The following BTBD9 variants were observed in gnomAD, a reference collection of about 807,000 sequenced individuals.
BTBD9 encodes BTB domain containing 9, also known as BTB/POZ domain-containing protein 9.
Under a neutral mutation model 64.3 loss-of-function variants are expected in BTBD9, and 49 were observed. The ratio of observed to expected loss-of-function variants is 0.76; its 90% CI spans 0.61 to 0.97. The LOEUF (loss-of-function observed/expected upper bound fraction) is 0.97, where lower values mean the gene tolerates loss of function less well. Ranked by LOEUF, BTBD9 falls within the 50% of genes least tolerant of loss-of-function variation. The probability of loss-of-function intolerance (pLI) is 0.00; values close to 1 mark genes in which losing one functional copy is unlikely to be tolerated. For synonymous variants in BTBD9, 260 were observed against 274.7 expected (o/e 0.95, Z 0.53); for missense variants, 598 against 762.1 (o/e 0.78, Z 2.53).
intron 6 of BTBD9, among the ~76,000 whole-genome samples, chr6:38,374,290 T>TATATAC (rs1554143537): frequency 2.1e-4 from 15 of 72,278 alleles, no homozygotes; most frequent in Non-Finnish European, 2.9e-4. Context: ...AAAGTATATA[T>TATATAC]ATATATGTAT....
chr6:38,434,115 C>T (rs949116531), intron 6 of BTBD9, among the ~76,000 whole-genome samples: 1 of 151,834 alleles, frequency 6.6e-6, no homozygotes, highest in Admixed American at 6.6e-5. Context: ...AATATTTTAC[C>T]CCAAGTTTCT....
chr6:38,464,798 T>TA (rs1275862324), intron 6 of BTBD9, among the ~76,000 whole-genome samples: 1 of 152,140 alleles, frequency 6.6e-6, no homozygotes, highest in Non-Finnish European at 1.5e-5. Context: ...ACCTGGCCTA[T>TA]AATTTTCTTT....
chr6:38,482,875 CT>C (rs987602911), intron 6 of BTBD9, among the ~76,000 whole-genome samples: 1 of 152,114 alleles, frequency 6.6e-6, no homozygotes, highest in Non-Finnish European at 1.5e-5. Context: ...CCATTTTTGC[CT>C]CTTTCAATCT....
At chr6:38,506,977 C>T (rs1309322644) in intron 6 of BTBD9, among the ~76,000 whole-genome samples, 1 of 152,152 alleles carries the variant, frequency 6.6e-6, no homozygotes, top group Non-Finnish European at 1.5e-5. Flanking sequence ...TTCCTGCTGG[C>T]TTCTAGAATA....
At chr6:38,628,221 AG>A in intron 1 of BTBD9, among the ~76,000 whole-genome samples, 1 of 152,304 alleles carries the variant, frequency 6.6e-6, no homozygotes, top group Non-Finnish European at 1.5e-5. Flanking sequence ...AAATAGAGAG[AG>A]GGGCACCTAA....
intron 6 of BTBD9, among the ~76,000 whole-genome samples, chr6:38,403,236 T>C (rs1202095128): frequency 1.3e-5 from 2 of 152,090 alleles, no homozygotes; most frequent in African/African-American, 2.4e-5. Flanking sequence ...AAGGACATTA[T>C]CAAGAAAGCA....
chr6:38,477,664 C>A (rs890325840), intron 6 of BTBD9, among the ~76,000 whole-genome samples: 4 of 152,186 alleles, frequency 2.6e-5, no homozygotes, highest in African/African-American at 7.2e-5. Flanking sequence ...CTAGTGTTAT[C>A]ATAACTTAAT....
intron 7 of BTBD9, among the ~76,000 whole-genome samples, chr6:38,293,259 G>C (rs1487679534): frequency 6.6e-6 from 1 of 152,110 alleles, no homozygotes; most frequent in African/African-American, 2.4e-5. Flanking sequence ...GTAATTTATA[G>C]ATTCAATGCT....
At chr6:38,409,927 T>C (rs562784698) in intron 6 of BTBD9, among the ~76,000 whole-genome samples, 3 of 152,308 alleles carry the variant, frequency 2.0e-5, no homozygotes, top group Admixed American at 1.3e-4. Flanking sequence ...AAACAAGGCA[T>C]AATTCGAACT....
At chr6:38,395,587 G>C (rs1048967543) in intron 6 of BTBD9, among the ~76,000 whole-genome samples, 3 of 152,116 alleles carry the variant, frequency 2.0e-5, no homozygotes, top group Non-Finnish European at 4.4e-5. Flanking sequence ...CTGTTTATAA[G>C]CTACCCAGTT....
At chr6:38,590,931 C>T (rs147551144) in intron 4 of BTBD9, among the ~76,000 whole-genome samples, 91 of 152,166 alleles carry the variant, frequency 6.0e-4, no homozygotes, top group African/African-American at 2.1e-3. Context: ...CCATTGTATC[C>T]GTTCTAATCA....
chr6:38,392,289 C>T (rs1245272233), intron 6 of BTBD9, among the ~76,000 whole-genome samples: 2 of 151,762 alleles, frequency 1.3e-5, no homozygotes, highest in Non-Finnish European at 2.9e-5. Flanking sequence ...AAAAAAAAAT[C>T]ACAGGAAAAA....
chr6:38,363,603 A>G (rs1337813439), intron 6 of BTBD9, among the ~76,000 whole-genome samples: 2 of 152,196 alleles, frequency 1.3e-5, no homozygotes, highest in African/African-American at 4.8e-5. Context: ...CTAACTCTGA[A>G]GAGCTTGCAT....
intron 8 of BTBD9, among the ~76,000 whole-genome samples, chr6:38,260,419 G>C (rs1025902674): frequency 6.6e-6 from 1 of 152,156 alleles, no homozygotes; most frequent in Non-Finnish European, 1.5e-5. Context: ...ATAAGCTAGT[G>C]TTTCTACAGA....
rs1344443355 is a variant in BTBD9, at chr6:38,637,042, A to G, written c.-28+2758T>C. Among the ~76,000 whole-genome samples, 4 of 152,142 alleles carry G rather than the reference A, an allele frequency of 2.6e-5. No individual in the cohort carries two copies. In the East Asian group the frequency reaches 5.8e-4, roughly 22 times the overall value. ...CCCTGGAATGCTCTCTTCCACCTCTACATGTGGCGAAATTTTATTTAACCC... is the reference window on the plus strand; with the variant it reads ...CCCTGGAATGCTCTCTTCCACCTCTGCATGTGGCGAAATTTTATTTAACCC... On this transcript the variant is annotated intron_variant, in intron 1 of 10. Coordinates refer to ENST00000481247, the MANE Select transcript of BTBD9 (RefSeq NM_001099272.2).
intron 6 of BTBD9, among the ~76,000 whole-genome samples, chr6:38,464,482 AT>A (rs1470777347): frequency 7.8e-6 from 1 of 128,094 alleles, no homozygotes; most frequent in Admixed American, 7.9e-5. Flanking sequence ...AATATTGTCT[AT>A]AATTTTCTTT....
At chr6:38,319,369 T>C (rs1012003642) in intron 7 of BTBD9, among the ~76,000 whole-genome samples, 1 of 152,032 alleles carries the variant, frequency 6.6e-6, no homozygotes, top group African/African-American at 2.4e-5. Flanking sequence ...TCTCCTCATA[T>C]CCACCACAGC....
At chr6:38,545,223 C>T (rs1162856630) in intron 6 of BTBD9, among the ~76,000 whole-genome samples, 1 of 151,966 alleles carries the variant, frequency 6.6e-6, no homozygotes, top group Admixed American at 6.5e-5. Context: ...TCCCAAGTAG[C>T]TGGGATTACA....
At chr6:38,392,265 G>C (rs1384672008) in intron 6 of BTBD9, among the ~76,000 whole-genome samples, 3 of 151,382 alleles carry the variant, frequency 2.0e-5, no homozygotes, top group Non-Finnish European at 4.4e-5. Flanking sequence ...AAAAGGGAAT[G>C]CTTTAAAAAA....
Sources: gnomAD v4.1 joint callset for allele counts (sites outside exome capture counted in the v4.1 genomes callset) on GRCh38, gnomAD v4.1.1 for gene constraint, MANE v1.5 for transcripts, NCBI Gene and HGNC (gene_info 2026-07-23, HGNC 2026-07-21) for gene names.